Variants in COLGALT2 observed in about 807,000 individuals in gnomAD.
COLGALT2 encodes procollagen galactosyltransferase 2.
A neutral mutation model predicts 73.4 loss-of-function variants in COLGALT2; 49 were observed. The ratio of observed to expected loss-of-function variants is 0.67; its 90% CI spans 0.53 to 0.85. The LOEUF is 0.85. Ranked by LOEUF, COLGALT2 falls within the 40% of genes least tolerant of loss-of-function variation. The probability of loss-of-function intolerance (pLI) is 0.00; values close to 1 mark genes in which losing one functional copy is unlikely to be tolerated. For missense variants in COLGALT2, 722 were observed against 790.2 expected, an observed-to-expected ratio of 0.91 and a Z score of 1.03; for synonymous variants, 295 against 307.6, an observed-to-expected ratio of 0.96 and a Z score of 0.43.
chr1:183,995,522 A>G (rs1671747455), intron 1 of COLGALT2, among the ~76,000 whole-genome samples: 1 of 152,262 alleles, frequency 6.6e-6, no homozygotes, highest in African/African-American at 2.4e-5. Context: ...GAGTTCTTCA[A>G]GCAGGACATT....
At chr1:184,025,196 C>A (rs975417538) in intron 1 of COLGALT2, among the ~76,000 whole-genome samples, 1 of 152,240 alleles carries the variant, frequency 6.6e-6, no homozygotes, top group Non-Finnish European at 1.5e-5. Flanking sequence ...GGGGCTATAA[C>A]CTTCAGTCAC....
chr1:183,975,599 T>G (rs1671167295), intron 2 of COLGALT2, among the ~76,000 whole-genome samples: 1 of 152,232 alleles, frequency 6.6e-6, no homozygotes, highest in African/African-American at 2.4e-5. Context: ...AGACAATTTT[T>G]ATACATCCCG....
At chr1:183,961,064 A>G (rs1434855695) in intron 6 of COLGALT2, among the ~76,000 whole-genome samples, 3 of 152,224 alleles carry the variant, frequency 2.0e-5, no homozygotes, top group Admixed American at 6.5e-5. Context: ...CTTCTAGGCC[A>G]TATTTCTTCA....
At chr1:183,931,256 C>T (rs537806861), downstream of COLGALT2, among the ~76,000 whole-genome samples, 6 of 152,260 alleles carry the variant, frequency 3.9e-5, no homozygotes, top group South Asian at 8.3e-4. Context: ...GAGAGAATCC[C>T]TGGGATCTGT....
At chr1:183,981,491 A>G (rs1483074532) in intron 1 of COLGALT2, among the ~76,000 whole-genome samples, 1 of 27,824 alleles carries the variant, frequency 3.6e-5, no homozygotes, top group Non-Finnish European at 2.7e-4. Context: ...GTCCCTACTA[A>G]AAAAAAAAAA....
At chr1:184,021,727 C>T (rs976685577) in intron 1 of COLGALT2, among the ~76,000 whole-genome samples, 3 of 152,066 alleles carry the variant, frequency 2.0e-5, no homozygotes, top group African/African-American at 7.2e-5. Flanking sequence ...GACTACTGCC[C>T]CCTTCACTAT....
At chr1:183,971,122 G>T (rs766588745) in intron 4 of COLGALT2, among the ~76,000 whole-genome samples, 1 of 152,184 alleles carries the variant, frequency 6.6e-6, no homozygotes, top group Non-Finnish European at 1.5e-5. Flanking sequence ...CAGAGATGAT[G>T]AATGTGTTCC....
intron 1 of COLGALT2, among the ~76,000 whole-genome samples, chr1:183,983,939 A>G (rs567650724): frequency 1.9e-4 from 29 of 152,370 alleles, no homozygotes; most frequent in African/African-American, 6.7e-4. Context: ...ACAGTCAGTA[A>G]TCAAACTGGA....
chr1:183,937,262 C>A lies in COLGALT2; in HGVS notation c.*1499G>T. The A allele has an allele frequency of 8.5e-7, 1 of 1,173,270 alleles. No homozygotes were observed. The highest frequency in any genetic ancestry group is 1.6e-5 in the African/African-American group (1 of 63,336). The allele number at this position is 1,173,270 out of a possible 1,614,324, so 72.7% of individuals were successfully genotyped here. A position where few individuals can be genotyped will look rare whatever the true frequency, so the allele number is the denominator to read the frequency against. On this transcript the variant is annotated 3_prime_UTR_variant, in exon 12 of 12. Coordinates refer to ENST00000361927, the MANE Select transcript of COLGALT2 (RefSeq NM_015101.4). The stretch of plus-strand genomic sequence containing the variant: ...GCATGGACAGTGATGAGGAACGGTG[C>A]TGGTATGGGATGCCTGGGAGGGTTT...
At chr1:183,965,509 G>A (rs909561260) in intron 5 of COLGALT2, among the ~76,000 whole-genome samples, 1 of 152,090 alleles carries the variant, frequency 6.6e-6, no homozygotes, top group Non-Finnish European at 1.5e-5. Flanking sequence ...AAGAAGAGGA[G>A]GACGATTATA....
chr1:183,954,855 A>C lies in COLGALT2; in HGVS notation c.953-17T>G. 6.3e-7 allele frequency: 1 copy of C among 1,589,572 alleles called. No individual in the cohort carries two copies. Among genetic ancestry groups the C allele is most frequent in the Non-Finnish European group, 8.6e-7 (1 of 1,157,960 alleles). ...GACGGTCAACTGGAAGACACAAGAA[A>C]CATGCAGAGTGCTTTGTTAATGAAA... is the stretch of plus-strand genomic sequence containing the variant. On this transcript the variant is annotated splice_polypyrimidine_tract_variant and intron_variant, in intron 6 of 11. Transcript: ENST00000361927.
Position 183,930,511 on chromosome 1 carries a change from C to G in COLGALT2, c.1605-222G>C, listed in dbSNP as rs1669820405. Among the ~76,000 whole-genome samples the G allele has an allele frequency of 2.0e-5, 3 of 151,330 alleles. No homozygotes were observed. The South Asian group carries it at 6.3e-4, about 32-fold the overall frequency. ...TCAAGCGATTCTCCAACCTCAGCCT[C>G]ATGAGTAGCTGGGACTACATCCGCA... On this transcript the variant is annotated intron_variant, in intron 11 of 11. Coordinates refer to the COLGALT2 transcript ENST00000649786.
chr1:184,029,613 G>A (rs1649445879), intron 1 of COLGALT2, among the ~76,000 whole-genome samples: 1 of 152,190 alleles, frequency 6.6e-6, no homozygotes, highest in African/African-American at 2.4e-5. Context: ...GTCAGGTGCT[G>A]GTTACATGGC....
In COLGALT2 at chr1:183,973,867, A is replaced by G. The variant is rs577418646; in HGVS notation, c.493-117T>C. The G allele has an allele frequency of 2.1e-4, 187 of 897,192 alleles. No individual in the cohort carries two copies. In the African/African-American group the frequency reaches 2.7e-3, roughly 13 times the overall value. 55.6% of individuals were successfully genotyped at this position (897,192 alleles called of 1,614,324 possible). ...TTGCTCATGACATATGGAACCAGCT[A>G]TCTATGTCCTCCTTATTGAAACCCA... On this transcript the variant is annotated intron_variant, in intron 3 of 11. Coordinates refer to ENST00000361927, the MANE Select transcript of COLGALT2 (RefSeq NM_015101.4).
intron 7 of COLGALT2, among the ~76,000 whole-genome samples, chr1:183,951,515 A>C (rs1380633112): frequency 8.5e-5 from 13 of 152,224 alleles, no homozygotes; most frequent in Non-Finnish European, 1.3e-4. Flanking sequence ...CAAGATACAA[A>C]GTCAACGCAC....
chr1:183,960,767 T>A (rs866779244), intron 6 of COLGALT2, among the ~76,000 whole-genome samples: 7 of 144,992 alleles, frequency 4.8e-5, no homozygotes, highest in South Asian at 4.2e-4. Context: ...CTTTTTGTGA[T>A]TTTTTTTTTA....
intron 1 of COLGALT2, 135 bp from the exon 2 acceptor site, chr1:183,978,655 T>A: frequency 3.6e-6 from 2 of 560,426 alleles, no homozygotes; most frequent in South Asian, 5.0e-5. Context: ...AATAATTCCC[T>A]CATAGTCCAA....
At position 184,014,952 on chromosome 1, in the gene COLGALT2, A is replaced by G. The variant is rs371988304; in HGVS notation, c.263+22143T>C. On this transcript the variant is annotated intron_variant, in intron 1 of 11. Coordinates refer to ENST00000361927, the MANE Select transcript of COLGALT2 (RefSeq NM_015101.4). ...GCTTTGCAAGGGAAACAAAAAGATC[A>G]GTGGGCAGCTGAGGGCCCACTTGAG... is the stretch of plus-strand genomic sequence containing the variant. Among the ~76,000 whole-genome samples the G allele has an allele frequency of 5.9e-5, 9 of 152,322 alleles. No individual in the cohort carries two copies. In the South Asian group the frequency reaches 1.9e-3, roughly 32 times the overall value.
At chr1:183,930,613 C>T (rs1042299410) in intron 11 of COLGALT2, among the ~76,000 whole-genome samples, 38 of 119,498 alleles carry the variant, frequency 3.2e-4, no homozygotes, top group African/African-American at 1.2e-3. Context: ...CAGATAGGGT[C>T]TTGCCATGAT....
Sources: allele counts gnomAD v4.1 joint callset (sites outside exome capture counted in the v4.1 genomes callset), GRCh38; gene constraint gnomAD v4.1.1; transcripts MANE v1.5; gene names NCBI Gene and HGNC (gene_info 2026-07-23, HGNC 2026-07-21).